HACE1: variants seen among roughly 807,000 people sequenced by gnomAD.
HACE1 encodes the protein E3 ubiquitin-protein ligase HACE1.
In HACE1, 73 loss-of-function variants were observed where a neutral mutation model predicts 118.4. The observed-to-expected ratio is 0.62, with a 90% CI of 0.51 to 0.75. The LOEUF is 0.75. Ranked by LOEUF, HACE1 falls within the 30% of genes least tolerant of loss-of-function variation. HACE1 has a pLI of 0.00. For missense variants in HACE1, 749 were observed against 1,102.2 expected, an observed-to-expected ratio of 0.68 and a Z score of 4.54; for synonymous variants, 368 against 374.8, an observed-to-expected ratio of 0.98 and a Z score of 0.21.
chr6:104,750,924 A>G (rs572380460), intron 19 of HACE1, among the ~76,000 whole-genome samples: 21 of 152,228 alleles, frequency 1.4e-4, no homozygotes, highest in Admixed American at 6.5e-4. Context: ...GTGTATGTAC[A>G]TGTAAATAAC....
intron 10 of HACE1, among the ~76,000 whole-genome samples, chr6:104,792,009 G>A (rs1218008735): frequency 6.6e-6 from 1 of 152,056 alleles, no homozygotes. Flanking sequence ...TTATACTTTA[G>A]AAGTCTGTAT....
intron 1 of HACE1, among the ~76,000 whole-genome samples, chr6:104,855,687 T>C (rs1019455313): frequency 6.6e-6 from 1 of 152,184 alleles, no homozygotes; most frequent in Non-Finnish European, 1.5e-5. Context: ...TCCCTTGGCA[T>C]GACAACATTC....
chr6:104,734,003 T>A (rs1260977987), intron 22 of HACE1, among the ~76,000 whole-genome samples: 1 of 151,554 alleles, frequency 6.6e-6, no homozygotes, highest in Non-Finnish European at 1.5e-5. Context: ...AAATACAAAA[T>A]TAGCTGGGCA....
chr6:104,730,649 G>C, intron 22 of HACE1: 1 of 498,372 alleles, frequency 2.0e-6, no homozygotes, highest in Non-Finnish European at 3.7e-6. Flanking sequence ...GCTTGCAACT[G>C]GCCACAGCAC....
chr6:104,806,993 A>C (rs917613503), intron 7 of HACE1, among the ~76,000 whole-genome samples: 3 of 151,584 alleles, frequency 2.0e-5, no homozygotes, highest in Admixed American at 1.3e-4. Flanking sequence ...CTATGCTGAA[A>C]GTTTACAATT....
chr6:104,738,985 C>G (rs906576148), intron 22 of HACE1, among the ~76,000 whole-genome samples: 3 of 147,152 alleles, frequency 2.0e-5, no homozygotes, highest in Non-Finnish European at 3.0e-5. Context: ...AGAAACCCTA[C>G]AAGCCAGAAA....
intron 19 of HACE1, 95 bp from the exon 20 acceptor site, chr6:104,750,567 A>C (rs2114563599): frequency 1.7e-6 from 2 of 1,186,494 alleles, no homozygotes; most frequent in Non-Finnish European, 2.4e-6. Context: ...TAAAGGTTTA[A>C]AATAAAATTG....
intron 19 of HACE1, among the ~76,000 whole-genome samples, chr6:104,763,538 A>G (rs1246263186): frequency 1.3e-5 from 2 of 152,072 alleles, no homozygotes; most frequent in Non-Finnish European, 2.9e-5. Context: ...GACCAAATTT[A>G]CATGTTACCA....
chr6:104,737,282 C>CAAAAAAAAA (rs59915070), intron 22 of HACE1, among the ~76,000 whole-genome samples: 14 of 42,712 alleles, frequency 3.3e-4, no homozygotes, highest in African/African-American at 1.0e-3. Context: ...GACTCTCTCT[C>CAAAAAAAAA]AAAAAAAAAA....
At chr6:104,855,571 T>C (rs1776640495) in intron 1 of HACE1, among the ~76,000 whole-genome samples, 1 of 152,126 alleles carries the variant, frequency 6.6e-6, no homozygotes, top group South Asian at 2.1e-4. Flanking sequence ...TAGACTCTGT[T>C]TTATCCTCTT....
chr6:104,846,579 T>C (rs1233764139), intron 4 of HACE1, among the ~76,000 whole-genome samples: 1 of 152,108 alleles, frequency 6.6e-6, no homozygotes, highest in African/African-American at 2.4e-5. Flanking sequence ...ACAGCACTAA[T>C]GGCAAAGAGA....
chr6:104,803,590 A>T (rs1184859772), intron 7 of HACE1, among the ~76,000 whole-genome samples: 1 of 152,226 alleles, frequency 6.6e-6, no homozygotes, highest in African/African-American at 2.4e-5. Context: ...AATCCATCAC[A>T]TAAAAAGAAC....
chr6:104,849,600 C>A (rs1201853160), intron 3 of HACE1, among the ~76,000 whole-genome samples: 1 of 151,638 alleles, frequency 6.6e-6, no homozygotes, highest in African/African-American at 2.4e-5. Context: ...ACCTCAGCCT[C>A]CCAAAGTGCT....
rs62419355 is a variant in HACE1, at chr6:104,781,996, G to A, written c.1566+2090C>T. On this transcript the variant is annotated intron_variant, in intron 14 of 23. Coordinates refer to ENST00000262903, the MANE Select transcript of HACE1 (RefSeq NM_020771.4). ...AAAGTAAAAAGCAGAGACAGTATTAGGTTGGTGCAAAAGTAATTGCGGTTT... is the reference window on the plus strand; with the variant it reads ...AAAGTAAAAAGCAGAGACAGTATTAAGTTGGTGCAAAAGTAATTGCGGTTT... Among the ~76,000 whole-genome samples the A allele has an allele frequency of 3.0e-3, 453 of 151,970 alleles. 1 individual carries two copies. The highest frequency in any genetic ancestry group is 5.5e-3 in the Non-Finnish European group (375 of 67,954).
intron 1 of HACE1, among the ~76,000 whole-genome samples, chr6:104,857,339 C>G (rs1776826241): frequency 1.3e-5 from 2 of 151,398 alleles, no homozygotes; most frequent in African/African-American, 4.8e-5. Context: ...CAAAGAAAAG[C>G]AAATGCAAAC....
chr6:104,743,271 C>A (rs1400327088), intron 22 of HACE1, among the ~76,000 whole-genome samples: 2 of 151,260 alleles, frequency 1.3e-5, no homozygotes, highest in Non-Finnish European at 2.9e-5. Context: ...ATGTAACTAA[C>A]CTGCACAATG....
chr6:104,820,283 A>C (rs1226831332), intron 6 of HACE1, among the ~76,000 whole-genome samples: 1 of 152,146 alleles, frequency 6.6e-6, no homozygotes, highest in East Asian at 1.9e-4. Flanking sequence ...AGGCACAGGC[A>C]AAGATTTCCT....
chr6:104,793,023 C>G (rs932230117), intron 10 of HACE1, among the ~76,000 whole-genome samples: 3 of 151,836 alleles, frequency 2.0e-5, no homozygotes, highest in Non-Finnish European at 4.4e-5. Context: ...AATCCCAGCA[C>G]TTTGGGAGGC....
intron 17 of HACE1, among the ~76,000 whole-genome samples, chr6:104,773,952 C>A (rs1780902967): frequency 6.6e-6 from 1 of 151,882 alleles, no homozygotes; most frequent in Admixed American, 6.6e-5. Context: ...ACAATAATAT[C>A]ATTTTCATGT....
Sources: allele counts gnomAD v4.1 joint callset (sites outside exome capture counted in the v4.1 genomes callset), GRCh38; gene constraint gnomAD v4.1.1; transcripts MANE v1.5; gene names NCBI Gene and HGNC (gene_info 2026-07-23, HGNC 2026-07-21).